The following GFM1 variants were observed in gnomAD, a reference collection of about 807,000 sequenced individuals.
The protein encoded by GFM1 is G elongation factor mitochondrial 1, also known as elongation factor G, mitochondrial.
A neutral mutation model predicts 96.2 loss-of-function variants in GFM1; 62 were observed. The observed-to-expected ratio is 0.64, with a 90% CI of 0.53 to 0.80. The LOEUF is 0.80. Among genes scored for constraint, GFM1 ranks in the 30% least tolerant of loss-of-function variants. GFM1 has a pLI of 0.00. For missense variants in GFM1, 852 were observed against 916.6 expected, an observed-to-expected ratio of 0.93 and a Z score of 0.91; for synonymous variants, 282 against 312.9, an observed-to-expected ratio of 0.90 and a Z score of 1.04.
chr3:158,644,601 G>C lies in GFM1; in HGVS notation c.-34G>C. ...TTACCGGCAGCTGAACCCACCCGGCGCCACGGGACTTTGACGCGTGCTCTG... is the reference window on the plus strand; with the variant it reads ...TTACCGGCAGCTGAACCCACCCGGCCCCACGGGACTTTGACGCGTGCTCTG... On this transcript the variant is annotated 5_prime_UTR_variant, in exon 1 of 18. Transcript: ENST00000486715. 2 of 1,545,846 alleles carry C rather than the reference G, an allele frequency of 1.3e-6. No homozygotes were observed. Among genetic ancestry groups the C allele is most frequent in the Non-Finnish European group, 1.8e-6 (2 of 1,142,390 alleles).
chr3:158,678,319 G>A (rs1725074782), intron 13 of GFM1, among the ~76,000 whole-genome samples: 1 of 152,196 alleles, frequency 6.6e-6, no homozygotes, highest in Non-Finnish European at 1.5e-5. Context: ...GGCGATCGCT[G>A]CCATAGGTTG....
At chr3:158,675,914 GGTT>G (rs1156896829) in intron 13 of GFM1, among the ~76,000 whole-genome samples, 1 of 152,170 alleles carries the variant, frequency 6.6e-6, no homozygotes, top group Non-Finnish European at 1.5e-5. Context: ...CAGATACTTT[GGTT>G]GTTATATATG....
Position 158,678,237 on chromosome 3 carries a change from C to A in GFM1, c.1602-3758C>A, listed in dbSNP as rs1469866258. Among the ~76,000 whole-genome samples, 3 of 152,210 alleles carry A rather than the reference C, an allele frequency of 2.0e-5. No individual in the cohort carries two copies. The East Asian group carries it at 5.8e-4, about 29-fold the overall frequency. On this transcript the variant is annotated intron_variant, in intron 13 of 17. Coordinates refer to ENST00000486715, the MANE Select transcript of GFM1 (RefSeq NM_024996.7). ...TTTCCATGCCCGCCAATACAACATTCATTCTGCAATCCCTGGATCAAAGAG... is the reference window on the plus strand; with the variant it reads ...TTTCCATGCCCGCCAATACAACATTAATTCTGCAATCCCTGGATCAAAGAG...
At chr3:158,663,501 C>G (rs1723359716) in intron 11 of GFM1, among the ~76,000 whole-genome samples, 1 of 122,666 alleles carries the variant, frequency 8.2e-6, no homozygotes, top group South Asian at 2.5e-4. Context: ...TTTGAGGAAC[C>G]TTGGGATTTT....
chr3:158,680,757 T>A (rs1271223246), intron 13 of GFM1, among the ~76,000 whole-genome samples: 1 of 152,168 alleles, frequency 6.6e-6, no homozygotes, highest in Admixed American at 6.5e-5. Flanking sequence ...GTGCTTAACA[T>A]AAGCCTGGCA....
At position 158,654,539 on chromosome 3, in the gene GFM1, A is replaced by C. The variant is rs1560131138; in HGVS notation, c.999-8A>C. The C allele has an allele frequency of 6.7e-7, 1 of 1,494,868 alleles. No homozygotes were observed. Among genetic ancestry groups the C allele is most frequent in the Middle Eastern group, 1.7e-4 (1 of 5,814 alleles). The allele number at this position is 1,494,868 out of a possible 1,614,324, so 92.6% of individuals were successfully genotyped here. A position where few individuals can be genotyped will look rare whatever the true frequency, so the allele number is the denominator to read the frequency against. ...CATCTCATAGATTTATATTTCTTTT[A>C]TTTTAAGTGACTCAAAAGAGAAAAC... On this transcript the variant is annotated splice_region_variant and splice_polypyrimidine_tract_variant and intron_variant, in intron 7 of 17. Coordinates refer to ENST00000486715, the MANE Select transcript of GFM1 (RefSeq NM_024996.7).
At chr3:158,648,520 T>C (rs1228693620) in intron 4 of GFM1, among the ~76,000 whole-genome samples, 1 of 151,846 alleles carries the variant, frequency 6.6e-6, no homozygotes, top group Admixed American at 6.6e-5. Context: ...CTACTAAAAA[T>C]ACAAAAAATT....
chr3:158,666,936 T>G (rs1439827618), intron 13 of GFM1: 1 of 1,537,518 alleles, frequency 6.5e-7, no homozygotes, highest in African/African-American at 1.4e-5. Context: ...GAGTCAAAAT[T>G]AATAAAGCAT....
intron 13 of GFM1, chr3:158,672,325 G>C: frequency 6.2e-7 from 1 of 1,612,286 alleles, no homozygotes; most frequent in Non-Finnish European, 8.5e-7. Context: ...AGCCTCTGCT[G>C]TCCACCACCC....
Position 158,646,204 on chromosome 3 carries a change from A to G in GFM1, c.274A>G (p.Met92Val), listed in dbSNP as rs753187838. Residue 92 changes from methionine (M) to valine (V), a missense_variant, in exon 3 of 18, where the codon ATG (methionine) becomes GTG (valine). Met to Val is a conservative substitution (Grantham distance 21). Transcript: ENST00000486715. ...TGGAGTTGGTGCTGTCATGGATTCC[A>G]TGGAACTAGAGAGACAAAGAGGAAT... ...KDGVGAVMDS[M>V]ELERQRGITI... The G allele has an allele frequency of 6.2e-7, 1 of 1,614,120 alleles. No homozygotes were observed. Among genetic ancestry groups the G allele is most frequent in the Non-Finnish European group, 8.5e-7 (1 of 1,179,948 alleles).
intron 10 of GFM1, among the ~76,000 whole-genome samples, chr3:158,662,331 C>A (rs986599982): frequency 6.6e-6 from 1 of 152,106 alleles, no homozygotes; most frequent in Non-Finnish European, 1.5e-5. Context: ...AATTTCACAT[C>A]TCAGTATTTG....
intron 13 of GFM1, among the ~76,000 whole-genome samples, chr3:158,678,001 C>T (rs1725046221): frequency 6.6e-6 from 1 of 152,112 alleles, no homozygotes; most frequent in African/African-American, 2.4e-5. Context: ...AATCCTAGGG[C>T]CCATAATAAT....
At chr3:158,668,209 T>C (rs1328572533) in intron 13 of GFM1, among the ~76,000 whole-genome samples, 1 of 152,178 alleles carries the variant, frequency 6.6e-6, no homozygotes, top group Non-Finnish European at 1.5e-5. Flanking sequence ...CATAAAACAG[T>C]GTAGTATTTG....
intron 8 of GFM1, 126 bp from the exon 9 acceptor site, chr3:158,658,796 A>G (rs912245605): frequency 4.5e-5 from 44 of 980,036 alleles, no homozygotes; most frequent in Non-Finnish European, 6.5e-5. Flanking sequence ...CAATAAACTG[A>G]AATATGTAAG....
intron 12 of GFM1, 151 bp downstream of exon 12, chr3:158,665,625 A>G (rs1398081627): frequency 1.0e-5 from 7 of 674,112 alleles, no homozygotes; most frequent in Non-Finnish European, 1.6e-5. Context: ...TGCTTCCTCT[A>G]CTATGTGTTA....
At chr3:158,681,880 A>G in intron 13 of GFM1, 115 bp from the exon 14 acceptor site, 2 of 884,746 alleles carry the variant, frequency 2.3e-6, no homozygotes, top group Non-Finnish European at 1.8e-6. Context: ...TAGCAAGACC[A>G]TCATATTCAA....
chr3:158,677,994 C>T (rs980430540), intron 13 of GFM1, among the ~76,000 whole-genome samples: 1 of 152,172 alleles, frequency 6.6e-6, no homozygotes, highest in Non-Finnish European at 1.5e-5. Flanking sequence ...TTGTCAAAAT[C>T]CTAGGGCCCA....
chr3:158,684,436 C>G, intron 14 of GFM1, 88 bp from the exon 15 acceptor site: 1 of 1,366,938 alleles, frequency 7.3e-7, no homozygotes, highest in Non-Finnish European at 1.0e-6. Flanking sequence ...AAAACGTACA[C>G]TTCTGAACAC....
At chr3:158,658,388 C>A (rs1259855557) in intron 8 of GFM1, among the ~76,000 whole-genome samples, 2 of 152,212 alleles carry the variant, frequency 1.3e-5, no homozygotes, top group Admixed American at 1.3e-4. Flanking sequence ...TGGTCTTGAA[C>A]TCCTGACCTC....
Sources: allele counts gnomAD v4.1 joint callset (sites outside exome capture counted in the v4.1 genomes callset), GRCh38; gene constraint gnomAD v4.1.1; transcripts MANE v1.5; gene names NCBI Gene and HGNC (gene_info 2026-07-23, HGNC 2026-07-21).